The following WDR88 variants were observed in gnomAD, a reference collection of about 807,000 sequenced individuals.
WDR88 encodes WD repeat domain 88, also known as WD repeat-containing protein 88.
In WDR88, 40 loss-of-function variants were observed where a neutral mutation model predicts 46.8. That is an observed-to-expected ratio of 0.86 (90% CI 0.66 to 1.11). The LOEUF (loss-of-function observed/expected upper bound fraction) is 1.11, where lower values mean the gene tolerates loss of function less well. Among genes scored for constraint, WDR88 ranks in the 50% most tolerant of loss-of-function variants. The pLI is 0.00. For synonymous variants in WDR88, 235 were observed against 240.7 expected (o/e 0.98, Z 0.22); for missense variants, 562 against 602.4 (o/e 0.93, Z 0.70).
At chr19:33,167,732 CCCT>C (rs530731995) in intron 9 of WDR88, among the ~76,000 whole-genome samples, 15 of 151,426 alleles carry the variant, frequency 9.9e-5, no homozygotes, top group African/African-American at 2.4e-4. Context: ...TTCCTGCCTT[CCCT>C]CCTCTTTTCT....
chr19:33,155,639 GC>G (rs1158150044), intron 6 of WDR88, among the ~76,000 whole-genome samples: 7 of 152,256 alleles, frequency 4.6e-5, no homozygotes, highest in Admixed American at 1.3e-4. Context: ...GCAGGAGAGA[GC>G]CTCTGTGTAA....
chr19:33,155,672 C>T (rs1255225602), intron 6 of WDR88, among the ~76,000 whole-genome samples: 1 of 152,200 alleles, frequency 6.6e-6, no homozygotes, highest in Non-Finnish European at 1.5e-5. Flanking sequence ...CACCAAGCCC[C>T]AAAGGCTGTC....
chr19:33,134,134 G>C, intron 1 of WDR88, among the ~76,000 whole-genome samples: 1 of 152,196 alleles, frequency 6.6e-6, no homozygotes, highest in East Asian at 1.9e-4. Flanking sequence ...ATGTACTCAT[G>C]TGTTGGGGAC....
chr19:33,172,298 T>C (rs768990022), intron 9 of WDR88, 50 bp from the exon 10 acceptor site: 1 of 1,448,926 alleles, frequency 6.9e-7, no homozygotes. Flanking sequence ...TTCCTTTGTA[T>C]GGATGTACCA....
At chr19:33,142,892 G>T (rs937741430) in intron 2 of WDR88, 7 of 150,366 alleles carry the variant, frequency 4.7e-5, no homozygotes, top group Admixed American at 6.7e-5. Context: ...GCCGGGGGGC[G>T]GGAATAACGT....
chr19:33,175,525 T>A lies in WDR88; in HGVS notation c.1372T>A (p.Ser458Thr). The stretch of plus-strand genomic sequence containing the variant: ...AGATACTTCATCGTCATCATCATCA[T>A]CGGAAAGGGAGAACTCACCGCCGCC... ...PADTSSSSSS[S>T]ERENSPPPRG... is the part of the protein sequence containing the mutation. Residue 458 changes from serine (S) to threonine (T), a missense_variant, in exon 11 of 11, where the codon TCG becomes ACG. Physicochemically the swap from Ser to Thr is moderately conservative, Grantham distance 58. Coordinates refer to ENST00000355868, the MANE Select transcript of WDR88 (RefSeq NM_173479.4). 6.2e-7 allele frequency: 1 copy of A among 1,614,166 alleles called. No individual in the cohort carries two copies. Among genetic ancestry groups the A allele is most frequent in the Non-Finnish European group, 8.5e-7 (1 of 1,180,030 alleles).
At chr19:33,157,657 ATATG>A (rs10584782) in intron 7 of WDR88, among the ~76,000 whole-genome samples, 17 of 108,500 alleles carry the variant, frequency 1.6e-4, no homozygotes, top group East Asian at 1.3e-3. Flanking sequence ...GTGTATGTAT[ATATG>A]TATGTATGTG....
At chr19:33,169,748 C>A (rs771603926) in intron 9 of WDR88, among the ~76,000 whole-genome samples, 1 of 151,860 alleles carries the variant, frequency 6.6e-6, no homozygotes, top group East Asian at 1.9e-4. Context: ...TCCCAGCACT[C>A]CAAAAGTGTT....
At chr19:33,142,423 C>A (rs1224642369) in intron 2 of WDR88, among the ~76,000 whole-genome samples, 3 of 151,550 alleles carry the variant, frequency 2.0e-5, no homozygotes, top group Admixed American at 6.6e-5. Flanking sequence ...GTCTGTGGTG[C>A]GGGTGGGGAA....
At chr19:33,142,066 G>A (rs960973269) in intron 2 of WDR88, among the ~76,000 whole-genome samples, 2 of 152,172 alleles carry the variant, frequency 1.3e-5, no homozygotes, top group Non-Finnish European at 2.9e-5. Context: ...CAGTGGGTGA[G>A]GCAGAGAGGG....
At chr19:33,137,640 C>A (rs1479239104) in intron 1 of WDR88, 37 bp from the exon 2 acceptor site, 1 of 1,532,264 alleles carries the variant, frequency 6.5e-7, no homozygotes, top group South Asian at 1.1e-5. Flanking sequence ...TTGTGTCCTG[C>A]AACATGTTTA....
chr19:33,174,790 G>A lies in WDR88; in HGVS notation c.1243-606G>A, dbSNP rs140917178. 1.7e-5 allele frequency: 17 copies of A among 985,350 alleles called. No individual in the cohort carries two copies. The East Asian group carries it at 1.8e-3, about 105-fold the overall frequency. 61.0% of individuals were successfully genotyped at this position (985,350 alleles called of 1,614,324 possible). A position where few individuals can be genotyped will look rare whatever the true frequency, so the allele number is the denominator to read the frequency against. On this transcript the variant is annotated intron_variant, in intron 10 of 10. Transcript: ENST00000355868. ...TCCCAACTGTCAAGGGGCTTGCCAC[G>A]CATGTCCTCAGGACCCCCATGGCAG...
intron 9 of WDR88, among the ~76,000 whole-genome samples, chr19:33,170,698 T>C (rs1253774790): frequency 1.3e-5 from 2 of 152,010 alleles, no homozygotes; most frequent in Non-Finnish European, 2.9e-5. Flanking sequence ...CCATCTCTAC[T>C]AAAAATACAA....
At chr19:33,142,614 C>T (rs922829913) in intron 2 of WDR88, among the ~76,000 whole-genome samples, 1 of 151,712 alleles carries the variant, frequency 6.6e-6, no homozygotes, top group Admixed American at 6.6e-5. Context: ...AATCTTGGGA[C>T]AACAACCAAG....
intron 3 of WDR88, among the ~76,000 whole-genome samples, chr19:33,147,069 AAAAG>A (rs1973533423): frequency 6.6e-6 from 1 of 150,966 alleles, no homozygotes; most frequent in African/African-American, 2.4e-5. Context: ...GAAAAAAAAA[AAAAG>A]AGAGAGAGAA....
At chr19:33,164,349 T>G in intron 9 of WDR88, 84 bp downstream of exon 9, 1 of 1,370,822 alleles carries the variant, frequency 7.3e-7, no homozygotes, top group Non-Finnish European at 1.0e-6. Flanking sequence ...ATAAAATTCC[T>G]GGGTGGGTTC....
chr19:33,135,502 T>C (rs758126388), intron 1 of WDR88, among the ~76,000 whole-genome samples: 4 of 152,198 alleles, frequency 2.6e-5, no homozygotes. Context: ...CACTGCAGCC[T>C]CTGCCTCCCA....
rs1329535139 is a variant in WDR88 at position 33,175,662 on chromosome 19, C to G, written c.*90C>G. The G allele has an allele frequency of 6.7e-7, 1 of 1,488,034 alleles. No individual in the cohort carries two copies. Among genetic ancestry groups the G allele is most frequent in the African/African-American group, 1.4e-5 (1 of 72,368 alleles). The allele number at this position is 1,488,034 out of a possible 1,614,324, so 92.2% of individuals were successfully genotyped here. ...CAGGGGCTTTCTCTTGGGCCCCTCC[C>G]AGGCTCAGCAGGCCTGTCAGACTGG... is the stretch of plus-strand genomic sequence containing the variant. On this transcript the variant is annotated 3_prime_UTR_variant, in exon 11 of 11. Transcript: ENST00000355868.
In WDR88 at chr19:33,156,583, G is replaced by C. The variant is rs999372231; in HGVS notation, c.997+41G>C. ...GCAGAAGGCCTCCATTCCTGTGGGA[G>C]TGCTGGGCAGAGTTCTCCATGTTCC... On this transcript the variant is annotated intron_variant, in intron 7 of 10. Transcript: ENST00000355868. 10 of 1,584,810 alleles carry C rather than the reference G, an allele frequency of 6.3e-6. No homozygotes were observed. In the African/African-American group the frequency reaches 1.2e-4, roughly 19 times the overall value.
Sources: allele counts gnomAD v4.1 joint callset (sites outside exome capture counted in the v4.1 genomes callset), GRCh38; gene constraint gnomAD v4.1.1; transcripts MANE v1.5; gene names NCBI Gene and HGNC (gene_info 2026-07-23, HGNC 2026-07-21).